The following KCND2 variants were observed in gnomAD, a reference collection of about 807,000 sequenced individuals.
KCND2 encodes A-type voltage-gated potassium channel KCND2.
KCND2 carries 16 observed loss-of-function variants against 54.4 expected under a neutral mutation model. That is an observed-to-expected ratio of 0.29 (90% CI 0.20 to 0.45). KCND2 has a LOEUF of 0.45. Among genes scored for constraint, KCND2 ranks in the 20% least tolerant of loss-of-function variants. KCND2 has a pLI of 1.00. For missense variants in KCND2, 486 were observed against 824.2 expected (o/e 0.59, Z 5.02); for synonymous variants, 317 against 310.7 (o/e 1.02, Z -0.21).
At chr7:120,605,821 A>G (rs1240255041) in intron 1 of KCND2, among the ~76,000 whole-genome samples, 2 of 152,198 alleles carry the variant, frequency 1.3e-5, no homozygotes, top group African/African-American at 4.8e-5. Context: ...ATGACTAATG[A>G]TATTGGCCAT....
chr7:120,343,093 TA>T (rs1800265756), intron 1 of KCND2, among the ~76,000 whole-genome samples: 1 of 152,134 alleles, frequency 6.6e-6, no homozygotes, highest in African/African-American at 2.4e-5. Context: ...GGAGGATGCA[TA>T]AAAGATTTAA....
At position 120,586,403 on chromosome 7, in the gene KCND2, A is replaced by C. The variant is rs185298076; in HGVS notation, c.1116-146500A>C. Among the ~76,000 whole-genome samples, 75 of 152,274 alleles carry C rather than the reference A, an allele frequency of 4.9e-4. 1 individual carries two copies. In the Middle Eastern group the frequency reaches 0.017, roughly 35 times the overall value. ...TCAAATGACAAAAAAAAATTTAGTC[A>C]CACATAAAATTCATCAAAATCTTTG... On this transcript the variant is annotated intron_variant, in intron 1 of 5. Coordinates refer to ENST00000331113, the MANE Select transcript of KCND2 (RefSeq NM_012281.3).
intron 1 of KCND2, among the ~76,000 whole-genome samples, chr7:120,297,434 A>G (rs1195907377): frequency 6.6e-6 from 1 of 151,980 alleles, no homozygotes; most frequent in Non-Finnish European, 1.5e-5. Context: ...TACCTATACC[A>G]CATTTTCTGT....
chr7:120,728,459 C>T (rs66678986), intron 1 of KCND2, among the ~76,000 whole-genome samples: 41,459 of 151,386 alleles, frequency 0.27, 6,107 homozygotes, highest in East Asian at 0.43. Context: ...ACCCGGCTAA[C>T]ATTGTATCTG....
At chr7:120,427,355 G>A (rs1289893556) in intron 1 of KCND2, among the ~76,000 whole-genome samples, 1 of 152,122 alleles carries the variant, frequency 6.6e-6, no homozygotes, top group Non-Finnish European at 1.5e-5. Flanking sequence ...TGCCCCTGTG[G>A]CCTGCACTGT....
At chr7:120,597,692 A>G (rs188784680) in intron 1 of KCND2, among the ~76,000 whole-genome samples, 1 of 152,340 alleles carries the variant, frequency 6.6e-6, no homozygotes, top group East Asian at 1.9e-4. Context: ...TCTTTTGGGA[A>G]AGTGAAACAA....
intron 1 of KCND2, among the ~76,000 whole-genome samples, chr7:120,393,313 A>G (rs1170914770): frequency 6.6e-6 from 1 of 152,032 alleles, no homozygotes; most frequent in Non-Finnish European, 1.5e-5. Flanking sequence ...CACAATACCA[A>G]ACTCATCGGG....
Position 120,520,286 on chromosome 7 carries a change from C to T in KCND2, c.1116-212617C>T, listed in dbSNP as rs185722761. Among the ~76,000 whole-genome samples the T allele has an allele frequency of 1.0e-3, 151 of 151,592 alleles. 2 individuals carry two copies. The Middle Eastern group carries it at 0.01, about 10-fold the overall frequency. ...GATAATCTATTTTTATGAAATACTC[C>T]TAAATATAAAAAAAGTTACACATAA... On this transcript the variant is annotated intron_variant, in intron 1 of 5. Transcript: ENST00000331113.
chr7:120,354,165 G>A (rs1304206), intron 1 of KCND2, among the ~76,000 whole-genome samples: 100,564 of 151,958 alleles, frequency 0.66, 38,095 homozygotes, highest in South Asian at 0.91. Flanking sequence ...CAACTGACAT[G>A]TCAACTATGG....
At position 120,365,299 on chromosome 7, in the gene KCND2, T is replaced by A. The variant is rs547600269; in HGVS notation, c.1115+89552T>A. ...ATTGATGAAGCCTGCTTTTGAGATG[T>A]CTCCTGAGCCGAAGTGTCATTTGTA... On this transcript the variant is annotated intron_variant, in intron 1 of 5. Transcript: ENST00000331113. Among the ~76,000 whole-genome samples, 8 of 152,066 alleles carry A rather than the reference T, an allele frequency of 5.3e-5. No individual in the cohort carries two copies. In the East Asian group the frequency reaches 1.6e-3, roughly 30 times the overall value.
chr7:120,335,148 T>C (rs943013811), intron 1 of KCND2, among the ~76,000 whole-genome samples: 2 of 152,036 alleles, frequency 1.3e-5, no homozygotes, highest in African/African-American at 4.8e-5. Context: ...GTGAATTACC[T>C]GAGGTGAGGA....
chr7:120,297,680 C>G lies in KCND2; in HGVS notation c.1115+21933C>G, dbSNP rs573675917. On this transcript the variant is annotated intron_variant, in intron 1 of 5. Coordinates refer to ENST00000331113, the MANE Select transcript of KCND2 (RefSeq NM_012281.3). ...AACTTAAGTTTTAAACATTTCTACT[C>G]ATATAAACTTCTGTTATATTTAACT... Among the ~76,000 whole-genome samples, 7 of 152,170 alleles carry G rather than the reference C, an allele frequency of 4.6e-5. No homozygotes were observed. In the South Asian group the frequency reaches 1.5e-3, roughly 32 times the overall value.
chr7:120,579,833 T>A lies in KCND2; in HGVS notation c.1116-153070T>A, dbSNP rs370288762. On this transcript the variant is annotated intron_variant, in intron 1 of 5. Coordinates refer to ENST00000331113, the MANE Select transcript of KCND2 (RefSeq NM_012281.3). ...TACCACACTGTAATTATCTGTGGAATCAATTTTTCTCTGTTAAGTATGGTA... is the reference window on the plus strand; with the variant it reads ...TACCACACTGTAATTATCTGTGGAAACAATTTTTCTCTGTTAAGTATGGTA... Among the ~76,000 whole-genome samples, 53 of 152,248 alleles carry A rather than the reference T, an allele frequency of 3.5e-4. No individual in the cohort carries two copies. In the East Asian group the frequency reaches 4.1e-3, roughly 12 times the overall value.
chr7:120,668,728 CTT>C (rs1436712980), intron 1 of KCND2, among the ~76,000 whole-genome samples: 5 of 151,892 alleles, frequency 3.3e-5, no homozygotes, highest in Non-Finnish European at 7.4e-5. Flanking sequence ...ATATAAGGCA[CTT>C]TTATAAAAGA....
chr7:120,622,484 G>A (rs1218434629), intron 1 of KCND2, among the ~76,000 whole-genome samples: 3 of 143,632 alleles, frequency 2.1e-5, no homozygotes, highest in Admixed American at 1.3e-4. Context: ...ATGCGAAATT[G>A]TTATATATAT....
At chr7:120,284,039 A>G (rs1225360694) in intron 1 of KCND2, among the ~76,000 whole-genome samples, 1 of 152,202 alleles carries the variant, frequency 6.6e-6, no homozygotes, top group Non-Finnish European at 1.5e-5. Flanking sequence ...AATTGGAAAT[A>G]CATGGGTTTG....
intron 1 of KCND2, among the ~76,000 whole-genome samples, chr7:120,276,318 T>C (rs1799173540): frequency 6.6e-6 from 1 of 152,208 alleles, no homozygotes; most frequent in Non-Finnish European, 1.5e-5. Context: ...ACTTTAATTA[T>C]GGTTGATAGG....
chr7:120,287,299 T>C (rs1799360266), intron 1 of KCND2, among the ~76,000 whole-genome samples: 1 of 152,116 alleles, frequency 6.6e-6, no homozygotes, highest in African/African-American at 2.4e-5. Flanking sequence ...GAGATTCATA[T>C]ATAGAGTTTA....
chr7:120,354,397 A>G (rs1488381136), intron 1 of KCND2, among the ~76,000 whole-genome samples: 1 of 152,208 alleles, frequency 6.6e-6, no homozygotes, highest in Non-Finnish European at 1.5e-5. Flanking sequence ...CACATGTCCA[A>G]TATAGGATGT....
Sources: gnomAD v4.1 joint callset for allele counts (sites outside exome capture counted in the v4.1 genomes callset) on GRCh38, gnomAD v4.1.1 for gene constraint, MANE v1.5 for transcripts, NCBI Gene and HGNC (gene_info 2026-07-23, HGNC 2026-07-21) for gene names.